PIGK: variants seen among roughly 807,000 people sequenced by gnomAD.
PIGK encodes the protein phosphatidylinositol glycan anchor biosynthesis class K, also known as GPI-anchor transamidase.
PIGK carries 42 observed loss-of-function variants against 50.6 expected under a neutral mutation model. The observed-to-expected ratio is 0.83, with a 90% CI of 0.65 to 1.07. PIGK has a LOEUF of 1.07. Among genes scored for constraint, PIGK ranks in the 50% least tolerant of loss-of-function variants. PIGK has a pLI of 0.00. For missense variants in PIGK, 448 were observed against 488.7 expected, an observed-to-expected ratio of 0.92 and a Z score of 0.78; for synonymous variants, 151 against 156.0, an observed-to-expected ratio of 0.97 and a Z score of 0.24.
chr1:77,147,562 C>T (rs1429803816), intron 9 of PIGK, among the ~76,000 whole-genome samples: 1 of 152,096 alleles, frequency 6.6e-6, no homozygotes, highest in South Asian at 2.1e-4. Context: ...CAGTCACAAC[C>T]TGGAGGATAT....
chr1:77,132,634 T>C (rs1229519918), intron 9 of PIGK, among the ~76,000 whole-genome samples: 1 of 152,082 alleles, frequency 6.6e-6, no homozygotes, highest in Non-Finnish European at 1.5e-5. Context: ...ATATATTTAC[T>C]GATTCTGGCT....
intron 10 of PIGK, among the ~76,000 whole-genome samples, chr1:77,114,029 A>G (rs991217076): frequency 2.6e-4 from 39 of 152,152 alleles, no homozygotes; most frequent in Non-Finnish European, 2.9e-5. Flanking sequence ...CATTTGCTGA[A>G]GAATTTTGAA....
At chr1:77,148,891 A>G (rs1654830401) in intron 9 of PIGK, among the ~76,000 whole-genome samples, 1 of 151,710 alleles carries the variant, frequency 6.6e-6, no homozygotes, top group Admixed American at 6.6e-5. Flanking sequence ...ATTTTTTTGT[A>G]TTTTTAGTAG....
chr1:77,128,005 A>C (rs1411219148), intron 9 of PIGK, among the ~76,000 whole-genome samples: 1 of 152,194 alleles, frequency 6.6e-6, no homozygotes, highest in South Asian at 2.1e-4. Context: ...AGAAAACTGA[A>C]GTTTATTGGT....
At chr1:77,110,272 A>G (rs1445400992) in intron 10 of PIGK, among the ~76,000 whole-genome samples, 1 of 152,198 alleles carries the variant, frequency 6.6e-6, no homozygotes, top group African/African-American at 2.4e-5. Flanking sequence ...TAAAGTTCAT[A>G]TGGAACCAAA....
In PIGK at chr1:77,108,080, C is replaced by T. The variant is rs1345082701; in HGVS notation, c.1071+14195G>A. Among the ~76,000 whole-genome samples the T allele has an allele frequency of 8.5e-5, 13 of 152,102 alleles. No homozygotes were observed. In the South Asian group the frequency reaches 1.7e-3, roughly 19 times the overall value. On this transcript the variant is annotated intron_variant, in intron 10 of 10. Transcript: ENST00000370812. ...TGTGTCTTTTAATTGGAGCATTTAGCCCATTTACATTTAAGGTTAATATTG... is the reference window on the plus strand; with the variant it reads ...TGTGTCTTTTAATTGGAGCATTTAGTCCATTTACATTTAAGGTTAATATTG...
intron 8 of PIGK, among the ~76,000 whole-genome samples, chr1:77,160,410 T>G (rs1413212421): frequency 6.6e-6 from 1 of 152,176 alleles, no homozygotes; most frequent in Non-Finnish European, 1.5e-5. Context: ...CTAAAAGATT[T>G]ATATATAATT....
chr1:77,189,979 C>T (rs569302630), intron 3 of PIGK, among the ~76,000 whole-genome samples: 1 of 151,774 alleles, frequency 6.6e-6, no homozygotes, highest in Admixed American at 6.6e-5. Flanking sequence ...CACACATGCC[C>T]CAGGTCACAC....
chr1:77,161,482 T>C (rs1384234407), intron 7 of PIGK, 77 bp from the exon 8 acceptor site: 9 of 998,836 alleles, frequency 9.0e-6, no homozygotes, highest in Middle Eastern at 2.0e-4. Context: ...AAAATTTCCT[T>C]CTAATGTATT....
chr1:77,197,729 C>T (rs1656068477), intron 3 of PIGK, among the ~76,000 whole-genome samples: 2 of 152,182 alleles, frequency 1.3e-5, no homozygotes, highest in African/African-American at 2.4e-5. Context: ...ATGATTTAAA[C>T]TAAAGTAGTC....
At chr1:77,208,656 T>C (rs986516387) in intron 2 of PIGK, among the ~76,000 whole-genome samples, 1 of 152,202 alleles carries the variant, frequency 6.6e-6, no homozygotes, top group Non-Finnish European at 1.5e-5. Context: ...TCTTTAGCAG[T>C]CTTTTCTCAG....
chr1:77,112,445 T>A (rs1454089094), intron 10 of PIGK, among the ~76,000 whole-genome samples: 1 of 152,122 alleles, frequency 6.6e-6, no homozygotes, highest in Non-Finnish European at 1.5e-5. Context: ...CCGTTACCAG[T>A]GATACTTCTG....
At chr1:77,148,975 A>T (rs2100547777) in intron 9 of PIGK, among the ~76,000 whole-genome samples, 1 of 152,252 alleles carries the variant, frequency 6.6e-6, no homozygotes, top group Non-Finnish European at 1.5e-5. Flanking sequence ...TTGGCCTCCC[A>T]AAGTGCTGGG....
At chr1:77,186,971 G>A (rs187187146) in intron 3 of PIGK, among the ~76,000 whole-genome samples, 1 of 152,298 alleles carries the variant, frequency 6.6e-6, no homozygotes, top group Admixed American at 6.5e-5. Context: ...CTGGATATGG[G>A]TTTGCCTATC....
chr1:77,197,304 A>G (rs1224734025), intron 3 of PIGK, among the ~76,000 whole-genome samples: 3 of 152,236 alleles, frequency 2.0e-5, no homozygotes, highest in African/African-American at 7.2e-5. Flanking sequence ...AAAAATGAAT[A>G]GTGACATTCT....
intron 9 of PIGK, among the ~76,000 whole-genome samples, chr1:77,147,550 T>C (rs1654799197): frequency 6.6e-6 from 1 of 152,232 alleles, no homozygotes; most frequent in Admixed American, 6.5e-5. Flanking sequence ...GCAAAATTTT[T>C]ACAGTCACAA....
intron 10 of PIGK, among the ~76,000 whole-genome samples, chr1:77,108,334 C>T (rs2100516884): frequency 6.6e-6 from 1 of 152,270 alleles, no homozygotes; most frequent in South Asian, 2.1e-4. Context: ...GATTTTATAT[C>T]TCCTTCACTT....
intron 3 of PIGK, among the ~76,000 whole-genome samples, chr1:77,193,316 C>G (rs1184459674): frequency 1.3e-5 from 2 of 149,538 alleles, no homozygotes; most frequent in Admixed American, 1.3e-4. Flanking sequence ...CCGGTGACAA[C>G]TCAGGTAGGA....
intron 3 of PIGK, among the ~76,000 whole-genome samples, chr1:77,201,202 A>C (rs909554573): frequency 6.6e-6 from 1 of 152,232 alleles, no homozygotes; most frequent in Non-Finnish European, 1.5e-5. Flanking sequence ...TTACAGAAAC[A>C]TTACCAGAAT....
Sources: gnomAD v4.1 joint callset for allele counts (sites outside exome capture counted in the v4.1 genomes callset) on GRCh38, gnomAD v4.1.1 for gene constraint, MANE v1.5 for transcripts, NCBI Gene and HGNC (gene_info 2026-07-23, HGNC 2026-07-21) for gene names.